The following ERBB4 variants were observed in gnomAD, a reference collection of about 807,000 sequenced individuals.
ERBB4 encodes receptor tyrosine-protein kinase erbB-4.
Under a neutral mutation model 158.0 loss-of-function variants are expected in ERBB4, and 42 were observed. That is an observed-to-expected ratio of 0.27 (90% CI 0.21 to 0.34). ERBB4 has a LOEUF of 0.34. Ranked by LOEUF, ERBB4 falls within the 10% of genes least tolerant of loss-of-function variation. The probability of loss-of-function intolerance (pLI) is 1.00; values close to 1 mark genes in which losing one functional copy is unlikely to be tolerated. For missense variants in ERBB4, 1,333 were observed against 1,624.1 expected (o/e 0.82, Z 3.08); for synonymous variants, 583 against 558.7 (o/e 1.04, Z -0.61).
chr2:211,569,337 T>A (rs372150785), intron 19 of ERBB4, among the ~76,000 whole-genome samples: 1 of 152,218 alleles, frequency 6.6e-6, no homozygotes, highest in South Asian at 2.1e-4. Context: ...ATCCCGTTAG[T>A]TTTATATTTC....
intron 20 of ERBB4, among the ~76,000 whole-genome samples, chr2:211,455,362 T>C (rs2064354576): frequency 6.6e-6 from 1 of 152,230 alleles, no homozygotes; most frequent in East Asian, 1.9e-4. Flanking sequence ...TACTTAAATA[T>C]TCATTTTCCA....
At chr2:211,906,002 A>G (rs2079382929) in intron 3 of ERBB4, among the ~76,000 whole-genome samples, 2 of 151,882 alleles carry the variant, frequency 1.3e-5, no homozygotes, top group South Asian at 4.1e-4. Flanking sequence ...GGAAAAGATT[A>G]AAGTGTGAAG....
chr2:211,653,738 G>C (rs1191084359), intron 16 of ERBB4, among the ~76,000 whole-genome samples: 2 of 151,952 alleles, frequency 1.3e-5, no homozygotes, highest in Non-Finnish European at 2.9e-5. Context: ...GTAGTGACAC[G>C]ACCTCGGCTC....
In ERBB4 at chr2:212,308,995, A is replaced by G. The variant is rs550920831; in HGVS notation, c.83-184092T>C. Among the ~76,000 whole-genome samples, 3 of 150,920 alleles carry G rather than the reference A, an allele frequency of 2.0e-5. No individual in the cohort carries two copies. In the East Asian group the frequency reaches 5.9e-4, roughly 29 times the overall value. On this transcript the variant is annotated intron_variant, in intron 1 of 27. Coordinates refer to ENST00000342788, the MANE Select transcript of ERBB4 (RefSeq NM_005235.3). ...CCCTTGAGGAGGTTCTTTTCAATTT[A>G]AAGTGTATAAAATTGCTACAGTAAG...
Position 212,284,451 on chromosome 2 carries a change from G to A in ERBB4, c.83-159548C>T, listed in dbSNP as rs953634023. Among the ~76,000 whole-genome samples the A allele has an allele frequency of 2.7e-4, 41 of 152,034 alleles. 1 individual carries two copies. The highest frequency in any genetic ancestry group is 8.9e-4 in the African/African-American group (37 of 41,412). ...CCAGCCTAATTTTGTTTGAGTGAAT[G>A]TAAATCCCATTAAGCAGTCACCTAT... On this transcript the variant is annotated intron_variant, in intron 1 of 27. Transcript: ENST00000342788.
chr2:211,959,705 T>C (rs2081129649), intron 2 of ERBB4, among the ~76,000 whole-genome samples: 1 of 152,096 alleles, frequency 6.6e-6, no homozygotes, highest in African/African-American at 2.4e-5. Flanking sequence ...AATATATTGA[T>C]TTTAAATATC....
At chr2:211,564,246 C>T (rs1303059278) in intron 19 of ERBB4, among the ~76,000 whole-genome samples, 2 of 152,052 alleles carry the variant, frequency 1.3e-5, no homozygotes, top group Non-Finnish European at 2.9e-5. Flanking sequence ...TGTATAACAC[C>T]AAAGGCTGAG....
At chr2:211,492,730 CACA>C (rs1458964443) in intron 20 of ERBB4, among the ~76,000 whole-genome samples, 1 of 152,062 alleles carries the variant, frequency 6.6e-6, no homozygotes, top group African/African-American at 2.4e-5. Flanking sequence ...TATCTTGAGT[CACA>C]ACAACTGATA....
chr2:211,567,787 A>ATT lies in ERBB4; in HGVS notation c.2302-5701_2302-5700dup, dbSNP rs11350799. Among the ~76,000 whole-genome samples, 258 of 140,888 alleles carry ATT rather than the reference A, an allele frequency of 1.8e-3. 1 individual carries two copies. Among genetic ancestry groups the ATT allele is most frequent in the African/African-American group, 5.6e-3 (218 of 39,214 alleles). 92.4% of individuals were successfully genotyped at this position (140,888 alleles called of 152,430 possible). ...GAACAAGACACTAATTGTAGCTTGC[A>ATT]TTTTTTTTTTTTTTTCATAAAAGAA... On this transcript the variant is annotated intron_variant, in intron 19 of 27. Transcript: ENST00000342788.
At chr2:211,687,505 TGTTA>T (rs2072613219) in intron 12 of ERBB4, among the ~76,000 whole-genome samples, 1 of 151,876 alleles carries the variant, frequency 6.6e-6, no homozygotes, top group African/African-American at 2.4e-5. Flanking sequence ...TTTGTTTGTT[TGTTA>T]TTTTTAGCAT....
At chr2:211,535,205 G>A (rs2066612628) in intron 20 of ERBB4, among the ~76,000 whole-genome samples, 1 of 151,992 alleles carries the variant, frequency 6.6e-6, no homozygotes. Flanking sequence ...GAGAAAAAAT[G>A]AAATTTATTC....
chr2:212,013,992 T>C (rs1019280698), intron 2 of ERBB4, among the ~76,000 whole-genome samples: 1 of 152,240 alleles, frequency 6.6e-6, no homozygotes, highest in Non-Finnish European at 1.5e-5. Context: ...AGATATTGAA[T>C]GTGGGGAACA....
At chr2:212,246,481 T>G (rs944875066) in intron 1 of ERBB4, among the ~76,000 whole-genome samples, 3 of 152,182 alleles carry the variant, frequency 2.0e-5, no homozygotes, top group Non-Finnish European at 2.9e-5. Flanking sequence ...TATAATTAAA[T>G]GAAAAAGCTC....
chr2:211,580,813 AT>A (rs2068056238), intron 19 of ERBB4, among the ~76,000 whole-genome samples: 2 of 36,502 alleles, frequency 5.5e-5, no homozygotes, highest in East Asian at 6.6e-4. Flanking sequence ...TATATATATA[AT>A]ATATATATAT....
chr2:212,143,218 A>C (rs1326157950), intron 1 of ERBB4, among the ~76,000 whole-genome samples: 1 of 152,208 alleles, frequency 6.6e-6, no homozygotes, highest in Admixed American at 6.5e-5. Flanking sequence ...TTGTCAATTC[A>C]GATTTCAAAG....
intron 1 of ERBB4, among the ~76,000 whole-genome samples, chr2:212,476,595 T>C (rs1317325307): frequency 1.3e-5 from 2 of 152,152 alleles, no homozygotes; most frequent in African/African-American, 2.4e-5. Context: ...TGTCTTTGTT[T>C]AGATTGTATG....
chr2:211,376,402 A>AATACTATTCAC lies in ERBB4; in HGVS notation c.*7202_*7212dup. On this transcript the variant is annotated 3_prime_UTR_variant, in exon 28 of 28. Coordinates refer to ENST00000342788, the MANE Select transcript of ERBB4 (RefSeq NM_005235.3). ...AGCCATGTCTTTAACAAGCTATAAA[A>AATACTATTCAC]ATACTATTCACATTTTCAAACATAC... 4.3e-6 allele frequency: 1 copy of AATACTATTCAC among 232,952 alleles called. No individual in the cohort carries two copies. Among genetic ancestry groups the AATACTATTCAC allele is most frequent in the East Asian group, 6.1e-5 (1 of 16,488 alleles). The allele number at this position is 232,952 out of a possible 1,614,324, so 14.4% of individuals were successfully genotyped here. A position where few individuals can be genotyped will look rare whatever the true frequency, so the allele number is the denominator to read the frequency against.
chr2:212,260,774 C>T (rs924819950), intron 1 of ERBB4, among the ~76,000 whole-genome samples: 1 of 151,584 alleles, frequency 6.6e-6, no homozygotes, highest in Non-Finnish European at 1.5e-5. Context: ...GATAGCGCCA[C>T]TGCACTCCAG....
chr2:211,721,443 C>CAAACAAAAAAAAAAAAAAAAAAA (rs2074086911), intron 7 of ERBB4, among the ~76,000 whole-genome samples: 1 of 54,500 alleles, frequency 1.8e-5, no homozygotes, highest in Non-Finnish European at 3.0e-5. Flanking sequence ...TTACTCAAAG[C>CAAACAAAAAAAAAAAAAAAAAAA]AAAAAAAAAA....
Sources: allele counts gnomAD v4.1 joint callset (sites outside exome capture counted in the v4.1 genomes callset), GRCh38; gene constraint gnomAD v4.1.1; transcripts MANE v1.5; gene names NCBI Gene and HGNC (gene_info 2026-07-23, HGNC 2026-07-21).